FAM186A: variants seen among roughly 807,000 people sequenced by gnomAD.
The protein encoded by FAM186A is family with sequence similarity 186 member A.
Under a neutral mutation model 216.8 loss-of-function variants are expected in FAM186A, and 163 were observed. The observed-to-expected ratio is 0.75, with a 90% CI of 0.66 to 0.86. The LOEUF is 0.86. FAM186A is among the 40% of genes least tolerant of loss of function. The probability of loss-of-function intolerance (pLI) is 0.00; values close to 1 mark genes in which losing one functional copy is unlikely to be tolerated. For missense variants in FAM186A, 2,184 were observed against 2,746.2 expected (o/e 0.80, Z 4.58); for synonymous variants, 805 against 1,025.3 (o/e 0.79, Z 4.10).
chr12:50,329,599 CTTT>C (rs879714835), intron 7 of FAM186A, among the ~76,000 whole-genome samples: 4 of 140,218 alleles, frequency 2.9e-5, no homozygotes, highest in Admixed American at 7.2e-5. Context: ...ATTAACACTA[CTTT>C]TTTTTTTTTT....
At chr12:50,389,473 T>C (rs1565898103) in intron 1 of FAM186A, among the ~76,000 whole-genome samples, 1 of 152,126 alleles carries the variant, frequency 6.6e-6, no homozygotes, top group African/African-American at 2.4e-5. Context: ...GCACGCCAGC[T>C]TGGGCAACAA....
intron 4 of FAM186A, among the ~76,000 whole-genome samples, chr12:50,339,014 T>C (rs1012463879): frequency 3.9e-5 from 6 of 152,168 alleles, no homozygotes; most frequent in African/African-American, 1.4e-4. Flanking sequence ...GTTTCAAGAC[T>C]GTAGTAATTT....
At chr12:50,366,626 CAA>C (rs61606774) in intron 1 of FAM186A, among the ~76,000 whole-genome samples, 1,358 of 49,232 alleles carry the variant, frequency 0.028, 5 homozygotes, top group Middle Eastern at 0.047. Flanking sequence ...ATAGAATGAC[CAA>C]AAAAAAAAAA....
At chr12:50,346,235 A>AAGAAAGAAAGAAAGAAAGAAAGAAAG (rs1486248226) in intron 4 of FAM186A, among the ~76,000 whole-genome samples, 1 of 137,774 alleles carries the variant, frequency 7.3e-6, no homozygotes, top group African/African-American at 2.7e-5. Context: ...GAAAGAAAGA[A>AAGAAAGAAAGAAAGAAAGAAAGAAAG]AAAAAGAAAG....
chr12:50,327,839 C>G (rs1339164263), intron 7 of FAM186A, among the ~76,000 whole-genome samples: 3 of 152,126 alleles, frequency 2.0e-5, no homozygotes, highest in Non-Finnish European at 4.4e-5. Flanking sequence ...GCCACTGTGC[C>G]TGGCCTGTAA....
chr12:50,353,938 C>T lies in FAM186A; in HGVS notation c.2894G>A (p.Gly965Glu). ...HLGPHRRREK[G>E]KEKQKPERGL... ...TCTCTCTGGCTTCTGCTTTTCCTTCCCTTTCTCCCTTCTCCTGTGTGGCCC... is the reference window on the plus strand; with the variant it reads ...TCTCTCTGGCTTCTGCTTTTCCTTCTCTTTCTCCCTTCTCCTGTGTGGCCC... Residue 965 changes from glycine to glutamate, a missense_variant, in exon 4 of 8, where the codon GGG becomes GAG. Transcript: ENST00000327337. 2 of 1,553,630 alleles carry T rather than the reference C, an allele frequency of 1.3e-6. No homozygotes were observed. The highest frequency in any genetic ancestry group is 2.4e-5 in the South Asian group (2 of 84,108).
Position 50,354,534 on chromosome 12 carries a change from C to A in FAM186A, c.2298G>T (p.Lys766Asn), listed in dbSNP as rs952370794. 1.9e-6 allele frequency: 3 copies of A among 1,551,652 alleles called. No individual in the cohort carries two copies. In the Admixed American group the frequency reaches 5.9e-5, roughly 30 times the overall value. Residue 766 changes from lysine (K) to asparagine (N), a missense_variant, in exon 4 of 8, where the codon AAG becomes AAT. Lys to Asn is a moderately conservative substitution (Grantham distance 94). Transcript: ENST00000327337. ...TTTCAGATTTTGCACTAATTGGTGA[C>A]TTCTGAAAATGCAATCCTGGCATAA... is the stretch of plus-strand genomic sequence containing the variant. ...VSFMPGLHFQ[K>N]SPISAKSESS... is the part of the protein sequence containing the mutation.
chr12:50,378,659 C>CAT (rs1290395933), intron 1 of FAM186A, among the ~76,000 whole-genome samples: 112 of 146,616 alleles, frequency 7.6e-4, no homozygotes, highest in East Asian at 5.9e-4. Flanking sequence ...TACACACACA[C>CAT]ATATATATAT....
chr12:50,390,322 T>C (rs1249280534), intron 1 of FAM186A, among the ~76,000 whole-genome samples: 2 of 152,156 alleles, frequency 1.3e-5, no homozygotes, highest in Non-Finnish European at 2.9e-5. Flanking sequence ...AGGGTCCTTC[T>C]TCAAGAGAAC....
intron 1 of FAM186A, among the ~76,000 whole-genome samples, chr12:50,365,038 C>CAAGAAAAAA (rs1943074607): frequency 9.0e-6 from 1 of 110,826 alleles, no homozygotes; most frequent in Non-Finnish European, 1.7e-5. Flanking sequence ...AACTCCGTCT[C>CAAGAAAAAA]AAAAAAAAAA....
intron 4 of FAM186A, among the ~76,000 whole-genome samples, chr12:50,340,432 G>A (rs1268819724): frequency 2.6e-5 from 4 of 152,004 alleles, no homozygotes; most frequent in Admixed American, 6.6e-5. Flanking sequence ...TTGATGGGCC[G>A]AGCTCAGTGT....
intron 2 of FAM186A, among the ~76,000 whole-genome samples, chr12:50,362,375 G>A (rs941877953): frequency 2.0e-5 from 3 of 152,166 alleles, no homozygotes; most frequent in Non-Finnish European, 2.9e-5. Context: ...ACTTCATACT[G>A]CTTACCTTCT....
intron 1 of FAM186A, among the ~76,000 whole-genome samples, chr12:50,387,858 T>C (rs935568885): frequency 6.6e-6 from 1 of 152,172 alleles, no homozygotes; most frequent in Admixed American, 6.6e-5. Flanking sequence ...TGCTCTTTGT[T>C]AGAAAATGAT....
Position 50,381,796 on chromosome 12 carries a change from T to TA in FAM186A, c.192+14496dup, listed in dbSNP as rs1302160558. Among the ~76,000 whole-genome samples the TA allele has an allele frequency of 3.3e-5, 5 of 151,902 alleles. 1 individual carries two copies. In the South Asian group the frequency reaches 1.0e-3, roughly 32 times the overall value. On this transcript the variant is annotated intron_variant, in intron 1 of 7. Transcript: ENST00000327337. ...GCAATATTGCAAGACCCTGTCTCTATAAAAAATTAAAAAATTAGCCAGCAT... is the reference window on the plus strand; with the variant it reads ...GCAATATTGCAAGACCCTGTCTCTATAAAAAAATTAAAAAATTAGCCAGCAT...
intron 1 of FAM186A, among the ~76,000 whole-genome samples, chr12:50,394,691 G>A (rs1425036981): frequency 6.8e-6 from 1 of 146,224 alleles, no homozygotes; most frequent in Non-Finnish European, 1.5e-5. Flanking sequence ...CCTCCAAAGT[G>A]CTGGGATTAC....
rs1251954569 is a variant in FAM186A at position 50,366,642 on chromosome 12, AAAAAAAC to A, written c.193-3285_193-3279del. ...TAGAATGACCAAAAAAAAAAAAAAA[AAAAAAAC>A]GTGATCATCACAATTGATACAGAAA... is the stretch of plus-strand genomic sequence containing the variant. On this transcript the variant is annotated intron_variant, in intron 1 of 7. Transcript: ENST00000327337. Among the ~76,000 whole-genome samples, 197 of 135,968 alleles carry A rather than the reference AAAAAAAC, an allele frequency of 1.4e-3. 3 individuals carry two copies. Among genetic ancestry groups the A allele is most frequent in the African/African-American group, 4.2e-3 (161 of 38,236 alleles). The allele number at this position is 135,968 out of a possible 152,430, so 89.2% of individuals were successfully genotyped here.
intron 1 of FAM186A, among the ~76,000 whole-genome samples, chr12:50,380,404 G>C (rs143737054): frequency 2.0e-5 from 3 of 151,394 alleles, no homozygotes; most frequent in Non-Finnish European, 4.4e-5. Context: ...GTTCGGGTGC[G>C]GTGGCTCACG....
chr12:50,340,324 T>G (rs1942750274), intron 4 of FAM186A, among the ~76,000 whole-genome samples: 1 of 152,194 alleles, frequency 6.6e-6, no homozygotes. Flanking sequence ...ACTAGGTGCA[T>G]TGAAAGCAGG....
intron 1 of FAM186A, among the ~76,000 whole-genome samples, chr12:50,364,672 C>T (rs1008871937): frequency 2.0e-5 from 3 of 151,914 alleles, no homozygotes; most frequent in African/African-American, 2.4e-5. Flanking sequence ...GAGACCAAAG[C>T]GGGAGGATCT....
Sources: allele counts gnomAD v4.1 joint callset (sites outside exome capture counted in the v4.1 genomes callset), GRCh38; gene constraint gnomAD v4.1.1; transcripts MANE v1.5; gene names NCBI Gene and HGNC (gene_info 2026-07-23, HGNC 2026-07-21).